USP28: variants seen among roughly 807,000 people sequenced by gnomAD.
USP28 encodes the protein ubiquitin carboxyl-terminal hydrolase 28.
In USP28, 113 loss-of-function variants were observed where a neutral mutation model predicts 145.0. The ratio of observed to expected loss-of-function variants is 0.78; its 90% CI spans 0.67 to 0.91. The LOEUF (loss-of-function observed/expected upper bound fraction) is 0.91. Ranked by LOEUF, USP28 falls within the 40% of genes least tolerant of loss-of-function variation. The pLI is 0.00. For missense variants in USP28, 1,201 were observed against 1,289.6 expected, an observed-to-expected ratio of 0.93 and a Z score of 1.05; for synonymous variants, 447 against 450.9, an observed-to-expected ratio of 0.99 and a Z score of 0.11.
chr11:113,833,428 C>A lies in USP28; in HGVS notation c.751G>T (p.Glu251Ter), dbSNP rs749819434. 7 of 1,613,084 alleles carry A rather than the reference C, an allele frequency of 4.3e-6. No homozygotes were observed. The highest frequency in any genetic ancestry group is 5.9e-6 in the Non-Finnish European group (7 of 1,179,722). ...CAAGGCTTCTTTTGTACCTGCTGTT[C>A]CTCAGATGATCGGAATGCTCCCTTT... The change falls in exon 7 of 25, where the codon GAA (glutamate) becomes TAA (stop). Residue 251 changes from glutamate (E) to a stop codon, truncating the protein, a stop_gained. Coordinates refer to ENST00000003302, the Ensembl canonical transcript of USP28. LOFTEE classifies it high-confidence loss of function.
At chr11:113,821,062 G>C in intron 12 of USP28, 1 of 236,660 alleles carries the variant, frequency 4.2e-6, no homozygotes, top group Non-Finnish European at 9.2e-6. Flanking sequence ...GGAGAAGGGG[G>C]ATATGGGAGT....
At chr11:113,815,338 G>A in exon 14 of USP28, 1 of 1,614,186 alleles carries the variant, frequency 6.2e-7, no homozygotes, top group Non-Finnish European at 8.5e-7. Context: ...TTCAGGAGAA[G>A]AAAAGGTACT....
At chr11:113,874,832 T>C (rs1949211378) in intron 1 of USP28, 2 of 1,032,724 alleles carry the variant, frequency 1.9e-6, no homozygotes, top group African/African-American at 3.4e-5. Flanking sequence ...GAGATCATCA[T>C]CAGTAGACTT....
exon 14 of USP28, chr11:113,815,331 A>G (rs1283457608): frequency 2.0e-5 from 33 of 1,614,064 alleles, no homozygotes; most frequent in Non-Finnish European, 2.6e-5. Context: ...AAGAATCTTC[A>G]GGAGAAGAAA....
At chr11:113,798,670 CTCTTT>C (rs1384870239) in exon 25 of USP28, 1 of 152,600 alleles carries the variant, frequency 6.6e-6, no homozygotes, top group African/African-American at 2.4e-5. Context: ...AGAGACAGGT[CTCTTT>C]TGACTTTTCA....
At chr11:113,830,276 A>G (rs984175380) in intron 9 of USP28, among the ~76,000 whole-genome samples, 2 of 152,128 alleles carry the variant, frequency 1.3e-5, no homozygotes, top group South Asian at 4.1e-4. Flanking sequence ...TTAAAATGCT[A>G]TTTTTCAGAG....
rs757716552 is a variant in USP28 at position 113,815,237 on chromosome 11, C to T, written c.1609G>A (p.Glu537Lys). 21 of 1,614,070 alleles carry T rather than the reference C, an allele frequency of 1.3e-5. No homozygotes were observed. The highest frequency in any genetic ancestry group is 2.2e-5 in the East Asian group (1 of 44,900). The stretch of plus-strand genomic sequence containing the variant: ...AGACAGGTCTTAACAAAATTTATCT[C>T]CTCATCTGTGACTGTTCGTGGAGCT... Residue 537 changes from glutamate (E) to lysine (K), a missense_variant, in exon 14 of 25, where the codon GAG (glutamate) becomes AAG (lysine). Coordinates refer to ENST00000003302, the Ensembl canonical transcript of USP28.
Position 113,870,672 on chromosome 11 carries a change from T to G in USP28, c.57+4773A>C, listed in dbSNP as rs140465897. 4.1e-3 allele frequency among the ~76,000 whole-genome samples: 628 copies of G among 152,352 alleles called. 4 individuals carry two copies. The highest frequency in any genetic ancestry group is 0.01 in the Middle Eastern group (3 of 294). On this transcript the variant is annotated intron_variant, in intron 1 of 24. Transcript: ENST00000003302. Reference sequence around the variant, plus strand: ...GAGCCCAGACTGGTCCACACGGCCATCTCATTATTTGGCTTTTGCAGAAGC... The same window carrying G: ...GAGCCCAGACTGGTCCACACGGCCAGCTCATTATTTGGCTTTTGCAGAAGC...
intron 1 of USP28, among the ~76,000 whole-genome samples, chr11:113,854,862 T>C (rs539679988): frequency 1.6e-4 from 25 of 152,358 alleles, no homozygotes; most frequent in African/African-American, 5.8e-4. Flanking sequence ...ATTACAAATA[T>C]ATAAAACATT....
exon 19 of USP28, chr11:113,806,563 G>T: frequency 6.3e-7 from 1 of 1,588,310 alleles, no homozygotes; most frequent in African/African-American, 1.4e-5. Context: ...ATGACCCCTT[G>T]CATGGCAGGG....
At chr11:113,829,682 G>A (rs1484060520) in intron 9 of USP28, among the ~76,000 whole-genome samples, 1 of 152,008 alleles carries the variant, frequency 6.6e-6, no homozygotes, top group Non-Finnish European at 1.5e-5. Flanking sequence ...AAAATTATCC[G>A]GGTGCAGTAA....
intron 11 of USP28, among the ~76,000 whole-genome samples, chr11:113,826,281 T>TC (rs1943286786): frequency 4.2e-5 from 1 of 23,936 alleles, no homozygotes; most frequent in South Asian, 1.8e-3. Flanking sequence ...AGACTCCTTC[T>TC]CAAAAAAAAA....
At chr11:113,838,498 C>T (rs951480244) in intron 5 of USP28, among the ~76,000 whole-genome samples, 2 of 152,214 alleles carry the variant, frequency 1.3e-5, no homozygotes, top group African/African-American at 4.8e-5. Flanking sequence ...TGGATCACTC[C>T]GTCTTAGCTA....
At chr11:113,798,066 G>GTTTTTTTT (rs528048657) in exon 25 of USP28, 10 of 91,252 alleles carry the variant, frequency 1.1e-4, no homozygotes, top group African/African-American at 1.9e-4. Context: ...ATGTATGCTG[G>GTTTTTTTT]TTTTTTTTTT....
At chr11:113,874,570 A>G (rs1949182920) in intron 1 of USP28, 1 of 1,288,854 alleles carries the variant, frequency 7.8e-7, no homozygotes, top group African/African-American at 1.5e-5. Flanking sequence ...CTCATCTCCA[A>G]ACTCGTATTT....
chr11:113,807,229 T>C (rs1940146890), intron 18 of USP28, among the ~76,000 whole-genome samples: 1 of 152,096 alleles, frequency 6.6e-6, no homozygotes, highest in African/African-American at 2.4e-5. Flanking sequence ...TATGCCACCA[T>C]GCCCAGCTAA....
At chr11:113,846,545 TG>T (rs34860611) in intron 3 of USP28, among the ~76,000 whole-genome samples, 1 of 152,218 alleles carries the variant, frequency 6.6e-6, no homozygotes, top group Admixed American at 6.5e-5. Flanking sequence ...GGTAACATTC[TG>T]GGGGTTGTTT....
At chr11:113,838,304 C>T (rs1342648958) in intron 5 of USP28, among the ~76,000 whole-genome samples, 2 of 152,180 alleles carry the variant, frequency 1.3e-5, no homozygotes, top group African/African-American at 4.8e-5. Flanking sequence ...ACATTATCTT[C>T]CTATGTTCTA....
chr11:113,841,728 C>G, exon 4 of USP28: 1 of 1,613,510 alleles, frequency 6.2e-7, no homozygotes, highest in Non-Finnish European at 8.5e-7. Flanking sequence ...CAATGGCAGC[C>G]TGAAGATCAT....
Sources: allele counts gnomAD v4.1 joint callset (sites outside exome capture counted in the v4.1 genomes callset), GRCh38; gene constraint gnomAD v4.1.1; transcripts MANE v1.5; gene names NCBI Gene and HGNC (gene_info 2026-07-23, HGNC 2026-07-21).